The following MYO1B variants were observed in gnomAD, a reference collection of about 807,000 sequenced individuals.
The protein encoded by MYO1B is unconventional myosin-Ib.
Under a neutral mutation model 159.7 loss-of-function variants are expected in MYO1B, and 72 were observed. The ratio of observed to expected loss-of-function variants is 0.45; its 90% CI spans 0.37 to 0.55. The LOEUF (loss-of-function observed/expected upper bound fraction) is 0.55. MYO1B is among the 20% of genes least tolerant of loss of function. The pLI is 0.00. For missense variants in MYO1B, 1,062 were observed against 1,364.8 expected, an observed-to-expected ratio of 0.78 and a Z score of 3.50; for synonymous variants, 468 against 473.8, an observed-to-expected ratio of 0.99 and a Z score of 0.16.
At chr2:191,408,781 A>G (rs1483579698) in intron 25 of MYO1B, among the ~76,000 whole-genome samples, 1 of 152,220 alleles carries the variant, frequency 6.6e-6, no homozygotes, top group Non-Finnish European at 1.5e-5. Flanking sequence ...ACAGCTCTAT[A>G]GAGCTAGCTG....
chr2:191,262,978 T>G (rs1686915524), intron 1 of MYO1B: 1 of 152,174 alleles, frequency 6.6e-6, no homozygotes, highest in Non-Finnish European at 1.5e-5. Context: ...ATTATACTGG[T>G]TATCTTACTC....
chr2:191,271,470 T>A (rs1687450959), intron 1 of MYO1B, among the ~76,000 whole-genome samples: 1 of 152,066 alleles, frequency 6.6e-6, no homozygotes, highest in Non-Finnish European at 1.5e-5. Flanking sequence ...AACCTGGAGC[T>A]TGAGACCAGC....
chr2:191,397,193 T>C (rs369402609), intron 21 of MYO1B, among the ~76,000 whole-genome samples: 1 of 148,618 alleles, frequency 6.7e-6, no homozygotes, highest in East Asian at 2.0e-4. Context: ...TTTTATTTTA[T>C]TTTATTTATT....
chr2:191,302,553 C>G (rs1001186615), intron 3 of MYO1B, among the ~76,000 whole-genome samples: 2 of 152,044 alleles, frequency 1.3e-5, no homozygotes, highest in South Asian at 2.1e-4. Context: ...AGTATTTGTT[C>G]AGCTTCGATT....
intron 1 of MYO1B, among the ~76,000 whole-genome samples, chr2:191,253,064 AAAAAAAC>A (rs1284607712): frequency 6.6e-6 from 1 of 151,972 alleles, no homozygotes; most frequent in Non-Finnish European, 1.5e-5. Context: ...TAAGTTGGAA[AAAAAAAC>A]AAAAAACAAA....
chr2:191,362,211 AT>A, intron 8 of MYO1B, 56 bp from the exon 9 acceptor site: 1 of 1,279,760 alleles, frequency 7.8e-7, no homozygotes. Flanking sequence ...AGGGAATGAG[AT>A]ATTAAAGATT....
Position 191,330,085 on chromosome 2 carries a change from A to G in MYO1B, c.346+56A>G. On this transcript the variant is annotated intron_variant, in intron 4 of 30. Transcript: ENST00000392318. ...GGTAAATGCTGCACAGAATGACAAC[A>G]GCAAAGAGGACCAGTAGGGCCTCCT... is the stretch of plus-strand genomic sequence containing the variant. 4.7e-6 allele frequency: 7 copies of G among 1,496,834 alleles called. No individual in the cohort carries two copies. The South Asian group carries it at 7.0e-5, about 15-fold the overall frequency. 92.7% of individuals were successfully genotyped at this position (1,496,834 alleles called of 1,614,324 possible).
At chr2:191,398,571 G>A (rs1005725143) in intron 21 of MYO1B, among the ~76,000 whole-genome samples, 6 of 151,108 alleles carry the variant, frequency 4.0e-5, no homozygotes, top group Non-Finnish European at 5.9e-5. Flanking sequence ...GGGCAGAGAC[G>A]CTCCTCACCT....
intron 15 of MYO1B, among the ~76,000 whole-genome samples, chr2:191,384,885 A>G (rs1347607770): frequency 6.6e-6 from 1 of 152,244 alleles, no homozygotes; most frequent in Non-Finnish European, 1.5e-5. Context: ...TCCTTCCAGC[A>G]TCATTAAACA....
chr2:191,364,103 T>C (rs199939740), intron 10 of MYO1B, 55 bp from the exon 11 acceptor site: 9 of 1,427,418 alleles, frequency 6.3e-6, no homozygotes, highest in African/African-American at 1.4e-5. Context: ...TTCAAAATTA[T>C]TATTAGCAGC....
At chr2:191,380,770 G>T (rs944935954) in intron 13 of MYO1B, among the ~76,000 whole-genome samples, 3 of 152,100 alleles carry the variant, frequency 2.0e-5, no homozygotes, top group Non-Finnish European at 2.9e-5. Flanking sequence ...TAATCTTTGG[G>T]TCTCCATTTG....
At chr2:191,270,123 C>T (rs549514980) in intron 1 of MYO1B, among the ~76,000 whole-genome samples, 32 of 152,130 alleles carry the variant, frequency 2.1e-4, no homozygotes, top group South Asian at 4.2e-4. Context: ...ATGGATGCAG[C>T]GCCACAATTT....
intron 11 of MYO1B, among the ~76,000 whole-genome samples, chr2:191,366,422 G>T (rs1694014713): frequency 6.6e-6 from 1 of 151,868 alleles, no homozygotes; most frequent in East Asian, 1.9e-4. Flanking sequence ...CAGAGTATCT[G>T]GTTCTACTGA....
intron 27 of MYO1B, among the ~76,000 whole-genome samples, chr2:191,413,179 TTGTCATA>T (rs1393231802): frequency 6.6e-6 from 1 of 152,170 alleles, no homozygotes; most frequent in Non-Finnish European, 1.5e-5. Context: ...TTTTATGAAG[TTGTCATA>T]TGTCATATGA....
In MYO1B at chr2:191,261,748, T is replaced by A. The variant is rs56209234; in HGVS notation, c.-9-15139T>A. 2.6e-5 allele frequency among the ~76,000 whole-genome samples: 4 copies of A among 152,040 alleles called. No homozygotes were observed. The South Asian group carries it at 6.2e-4, about 24-fold the overall frequency. ...TTTCCAGGGCTCTTTAGAACCTCAC[T>A]GTTCTTTAAATAAATTGGACTTGGA... On this transcript the variant is annotated intron_variant, in intron 1 of 30. Coordinates refer to ENST00000392318, the MANE Select transcript of MYO1B (RefSeq NM_001130158.3).
intron 5 of MYO1B, among the ~76,000 whole-genome samples, chr2:191,344,833 A>AAAG (rs1384470612): frequency 6.7e-6 from 1 of 149,700 alleles, no homozygotes; most frequent in Non-Finnish European, 1.5e-5. Flanking sequence ...CCGTCTCAAA[A>AAAG]AAAAAAAAAA....
chr2:191,247,388 A>C (rs1199524704), intron 1 of MYO1B, among the ~76,000 whole-genome samples: 1 of 152,136 alleles, frequency 6.6e-6, no homozygotes, highest in Non-Finnish European at 1.5e-5. Flanking sequence ...GGGGGAAAAA[A>C]ATATCTCCTG....
At chr2:191,347,730 T>C (rs1438908038) in intron 6 of MYO1B, among the ~76,000 whole-genome samples, 6 of 152,230 alleles carry the variant, frequency 3.9e-5, no homozygotes, top group Non-Finnish European at 1.5e-5. Flanking sequence ...GCAGTTTCTC[T>C]GCTTTGTGGT....
At chr2:191,414,441 A>G in intron 28 of MYO1B, 76 bp from the exon 29 acceptor site, 1 of 1,377,570 alleles carries the variant, frequency 7.3e-7, no homozygotes, top group Non-Finnish European at 9.7e-7. Context: ...ATTTTTGCAA[A>G]TAATGCCTTA....
Sources: gnomAD v4.1 joint callset for allele counts (sites outside exome capture counted in the v4.1 genomes callset) on GRCh38, gnomAD v4.1.1 for gene constraint, MANE v1.5 for transcripts, NCBI Gene and HGNC (gene_info 2026-07-23, HGNC 2026-07-21) for gene names.